The following NOSTRIN variants were observed in gnomAD, a reference collection of about 807,000 sequenced individuals.
NOSTRIN encodes nitric oxide synthase trafficking, also known as BM247 homolog.
In NOSTRIN, 63 loss-of-function variants were observed where a neutral mutation model predicts 59.0. The ratio of observed to expected loss-of-function variants is 1.07; its 90% confidence interval spans 0.87 to 1.32. NOSTRIN has a LOEUF of 1.32. NOSTRIN is among the 40% of genes most tolerant of loss of function. NOSTRIN has a pLI of 0.00. For synonymous variants in NOSTRIN, 200 were observed against 165.4 expected (o/e 1.21, Z -1.61); for missense variants, 512 against 473.1 (o/e 1.08, Z -0.76).
Position 168,856,699 on chromosome 2 carries a change from G to A in NOSTRIN, c.974G>A (p.Arg325Gln), listed in dbSNP as rs148719799. The A allele has an allele frequency of 1.5e-3, 2,363 of 1,614,060 alleles. 7 individuals are homozygous for A. The highest frequency in any genetic ancestry group is 4.3e-3 in the Middle Eastern group (26 of 6,060). Residue 325 changes from arginine to glutamine, a missense_variant, in exon 12 of 16, where the codon CGA becomes CAA. Arg to Gln is a conservative substitution (Grantham distance 43). Transcript: ENST00000317647. ...ATGATTTCATTTTCAGGCCTGGAACGAATGCTTAAAACGTACTCCAGCACC... is the reference window on the plus strand; with the variant it reads ...ATGATTTCATTTTCAGGCCTGGAACAAATGCTTAAAACGTACTCCAGCACC... The part of the protein sequence containing the change: ...KASKDKEGLE[R>Q]MLKTYSSTSS...
chr2:168,823,962 C>G (rs1686909393), intron 2 of NOSTRIN, among the ~76,000 whole-genome samples: 1 of 152,126 alleles, frequency 6.6e-6, no homozygotes, highest in Non-Finnish European at 1.5e-5. Context: ...GTAATCCCAG[C>G]TACTTGAGAG....
At chr2:168,813,723 C>T (rs1686266087) in intron 2 of NOSTRIN, among the ~76,000 whole-genome samples, 1 of 152,096 alleles carries the variant, frequency 6.6e-6, no homozygotes, top group Admixed American at 6.6e-5. Flanking sequence ...CAAGAGTCTA[C>T]TGGTTAGCAA....
At chr2:168,823,008 CTTTTGTTTTTGT>C (rs771159389) in intron 2 of NOSTRIN, among the ~76,000 whole-genome samples, 19 of 152,038 alleles carry the variant, frequency 1.2e-4, no homozygotes, top group South Asian at 4.2e-4. Flanking sequence ...AGTTGTATTA[CTTTTGTTTTTGT>C]TTTTGTTTTT....
intron 2 of NOSTRIN, among the ~76,000 whole-genome samples, chr2:168,788,910 G>GATAA (rs1160682095): frequency 6.6e-6 from 1 of 151,892 alleles, no homozygotes; most frequent in African/African-American, 2.4e-5. Context: ...TAGATAGATA[G>GATAA]ATAGATAGAT....
chr2:168,796,560 C>T (rs930554946), upstream of NOSTRIN, among the ~76,000 whole-genome samples: 1 of 152,194 alleles, frequency 6.6e-6, no homozygotes, highest in African/African-American at 2.4e-5. Flanking sequence ...ATTCTAGACT[C>T]CAGCTCTCCC....
intron 8 of NOSTRIN, among the ~76,000 whole-genome samples, chr2:168,849,653 G>A (rs1688633660): frequency 7.8e-6 from 1 of 128,680 alleles, no homozygotes; most frequent in Admixed American, 8.7e-5. Flanking sequence ...ACCGCACCTA[G>A]CCAGGCCTTG....
intron 15 of NOSTRIN, among the ~76,000 whole-genome samples, chr2:168,863,909 CTT>C (rs761612290): frequency 6.6e-6 from 1 of 151,514 alleles, no homozygotes; most frequent in East Asian, 1.9e-4. Flanking sequence ...CCAACGTGAT[CTT>C]TTTTTATTTT....
At chr2:168,851,469 T>C (rs1023446453) in intron 10 of NOSTRIN, 65 bp downstream of exon 10, 24 of 1,523,514 alleles carry the variant, frequency 1.6e-5, no homozygotes, top group Admixed American at 7.0e-5. Context: ...GGGACTTACA[T>C]TGAAAAAATT....
At chr2:168,794,749 A>G (rs554892100), upstream of NOSTRIN, among the ~76,000 whole-genome samples, 436 of 150,702 alleles carry the variant, frequency 2.9e-3, 1 homozygote, top group African/African-American at 0.01. Flanking sequence ...AAATGGCTTA[A>G]AAAAATTAAC....
At chr2:168,862,195 A>C (rs1476782355) in intron 15 of NOSTRIN, 146 bp downstream of exon 15, 1 of 672,080 alleles carries the variant, frequency 1.5e-6, no homozygotes, top group Non-Finnish European at 2.6e-6. Context: ...CATCTAAAAC[A>C]AAAGCTCGCA....
chr2:168,831,719 C>A (rs985870879), intron 6 of NOSTRIN, among the ~76,000 whole-genome samples, 185 bp downstream of exon 6: 1 of 152,182 alleles, frequency 6.6e-6, no homozygotes, highest in African/African-American at 2.4e-5. Context: ...GTGCATGGCT[C>A]TAACTATGAT....
intron 6 of NOSTRIN, among the ~76,000 whole-genome samples, chr2:168,832,376 A>G (rs1687416422): frequency 6.6e-6 from 1 of 152,218 alleles, no homozygotes; most frequent in South Asian, 2.1e-4. Flanking sequence ...TCAGGTAGAA[A>G]GGACTAGCAG....
At chr2:168,805,448 C>T (rs933412297) in intron 1 of NOSTRIN, among the ~76,000 whole-genome samples, 2 of 152,146 alleles carry the variant, frequency 1.3e-5, no homozygotes, top group Non-Finnish European at 2.9e-5. Context: ...GTCTAGGGAA[C>T]TCATCTTCAA....
At chr2:168,842,761 C>A (rs974044284) in intron 7 of NOSTRIN, among the ~76,000 whole-genome samples, 8 of 152,186 alleles carry the variant, frequency 5.3e-5, no homozygotes, top group African/African-American at 1.9e-4. Flanking sequence ...TCAATCTCCT[C>A]ATGTGTAAAA....
chr2:168,807,898 C>T (rs1685943169), intron 1 of NOSTRIN, among the ~76,000 whole-genome samples: 1 of 152,178 alleles, frequency 6.6e-6, no homozygotes, highest in Non-Finnish European at 1.5e-5. Flanking sequence ...GACCTGGTAG[C>T]CCATGGGTCA....
At chr2:168,797,036 A>G (rs1420499192), upstream of NOSTRIN, among the ~76,000 whole-genome samples, 1 of 148,366 alleles carries the variant, frequency 6.7e-6, no homozygotes, top group Non-Finnish European at 1.5e-5. Context: ...GAGGCAGACC[A>G]TTGAACTCAT....
intron 7 of NOSTRIN, among the ~76,000 whole-genome samples, chr2:168,841,783 A>T (rs1450012157): frequency 6.6e-6 from 1 of 152,260 alleles, no homozygotes; most frequent in Non-Finnish European, 1.5e-5. Flanking sequence ...GTATTTGATC[A>T]TAGTTTTATG....
chr2:168,812,320 G>T (rs1686185862), intron 2 of NOSTRIN, among the ~76,000 whole-genome samples: 2 of 152,158 alleles, frequency 1.3e-5, no homozygotes, highest in Admixed American at 1.3e-4. Context: ...ACCTTCAGAA[G>T]ACTGTTAAAA....
chr2:168,863,006 C>T (rs1204124191), intron 15 of NOSTRIN, among the ~76,000 whole-genome samples: 1 of 105,866 alleles, frequency 9.4e-6, no homozygotes, highest in Non-Finnish European at 1.8e-5. Flanking sequence ...CAGGCAATTA[C>T]TTTTCTTCCT....
Sources: allele counts gnomAD v4.1 joint callset (sites outside exome capture counted in the v4.1 genomes callset), GRCh38; gene constraint gnomAD v4.1.1; transcripts MANE v1.5; gene names NCBI Gene and HGNC (gene_info 2026-07-23, HGNC 2026-07-21).